CDH4: variants seen among roughly 807,000 people sequenced by gnomAD.
The protein encoded by CDH4 is cadherin 4.
In CDH4, 33 loss-of-function variants were observed where a neutral mutation model predicts 86.0. That is an observed-to-expected ratio of 0.38 (90% CI 0.29 to 0.51). The LOEUF is 0.51. CDH4 is among the 20% of genes least tolerant of loss of function. The pLI is 0.86. For synonymous variants in CDH4, 555 were observed against 549.4 expected (o/e 1.01, Z -0.14); for missense variants, 1,114 against 1,307.4 (o/e 0.85, Z 2.28).
chr20:61,889,508 G>T (rs1366806227), intron 7 of CDH4, among the ~76,000 whole-genome samples: 1 of 148,936 alleles, frequency 6.7e-6, no homozygotes, highest in East Asian at 2.0e-4. Context: ...GATGGATGAT[G>T]GATGGATGGA....
intron 2 of CDH4, among the ~76,000 whole-genome samples, chr20:61,633,635 C>T (rs1357521250): frequency 1.3e-5 from 2 of 152,216 alleles, no homozygotes; most frequent in African/African-American, 4.8e-5. Flanking sequence ...TGGTAAAAAG[C>T]ATGGTTTCTG....
At chr20:61,360,411 G>A (rs758135837) in intron 2 of CDH4, among the ~76,000 whole-genome samples, 4 of 152,192 alleles carry the variant, frequency 2.6e-5, no homozygotes, top group Non-Finnish European at 5.9e-5. Flanking sequence ...TCCCGGGTTT[G>A]TGTCTCAGGT....
chr20:61,795,474 C>T (rs1267346537), intron 4 of CDH4, among the ~76,000 whole-genome samples: 11 of 152,046 alleles, frequency 7.2e-5, no homozygotes, highest in Admixed American at 4.6e-4. Context: ...ATCATGGTGG[C>T]GTAAATGAGA....
intron 2 of CDH4, among the ~76,000 whole-genome samples, chr20:61,679,926 T>C (rs530275259): frequency 6.6e-6 from 1 of 152,272 alleles, no homozygotes; most frequent in South Asian, 2.1e-4. Context: ...TGTCTGTCAG[T>C]GGGAACTGCC....
At chr20:61,290,921 G>A (rs141973728) in intron 2 of CDH4, among the ~76,000 whole-genome samples, 14 of 152,292 alleles carry the variant, frequency 9.2e-5, no homozygotes, top group East Asian at 1.9e-4. Context: ...TCCAAACACC[G>A]TTATCAAGAG....
intron 2 of CDH4, among the ~76,000 whole-genome samples, chr20:61,710,086 G>C (rs1175672852): frequency 6.6e-6 from 1 of 152,138 alleles, no homozygotes; most frequent in African/African-American, 2.4e-5. Flanking sequence ...TCAATAAATG[G>C]ATCCAGAATG....
chr20:61,563,065 G>A (rs1161994820), intron 2 of CDH4, among the ~76,000 whole-genome samples: 3 of 152,124 alleles, frequency 2.0e-5, no homozygotes, highest in East Asian at 1.9e-4. Context: ...AAGTCTACAC[G>A]AGGGTCCGTG....
At chr20:61,645,435 GAGGCAAC>G (rs920260846) in intron 2 of CDH4, among the ~76,000 whole-genome samples, 1 of 152,054 alleles carries the variant, frequency 6.6e-6, no homozygotes, top group Non-Finnish European at 1.5e-5. Flanking sequence ...GAAACCAGCT[GAGGCAAC>G]ACAGTAAGAC....
At chr20:61,806,202 C>T (rs528832489) in intron 4 of CDH4, among the ~76,000 whole-genome samples, 42 of 152,346 alleles carry the variant, frequency 2.8e-4, no homozygotes, top group Non-Finnish European at 3.7e-4. Flanking sequence ...AGGACCCTTG[C>T]GTCTTCCCAG....
At chr20:61,556,331 T>C (rs960749548) in intron 2 of CDH4, among the ~76,000 whole-genome samples, 3 of 152,024 alleles carry the variant, frequency 2.0e-5, no homozygotes, top group African/African-American at 7.3e-5. Flanking sequence ...CCTTTTATGA[T>C]TCAGAAGAAA....
intron 2 of CDH4, among the ~76,000 whole-genome samples, chr20:61,346,305 A>G (rs1454244737): frequency 1.3e-5 from 2 of 152,118 alleles, no homozygotes; most frequent in Non-Finnish European, 1.5e-5. Flanking sequence ...GAATCAGTGC[A>G]TGGTTGGTGT....
At chr20:61,753,909 A>C (rs1470949928) in intron 3 of CDH4, among the ~76,000 whole-genome samples, 1 of 152,102 alleles carries the variant, frequency 6.6e-6, no homozygotes, top group African/African-American at 2.4e-5. Context: ...ACATGACTTA[A>C]CTTGGAAATA....
intron 8 of CDH4, among the ~76,000 whole-genome samples, chr20:61,900,200 C>G (rs3787406): frequency 6.6e-6 from 1 of 152,054 alleles, no homozygotes; most frequent in Non-Finnish European, 1.5e-5. Context: ...CTGGCCAAGC[C>G]CTGTGAGTCC....
At chr20:61,645,840 T>C (rs1222230264) in intron 2 of CDH4, among the ~76,000 whole-genome samples, 1 of 152,114 alleles carries the variant, frequency 6.6e-6, no homozygotes. Flanking sequence ...TGCTGTGTGA[T>C]GGAGCCATGA....
Position 61,383,481 on chromosome 20 carries a change from G to GAT in CDH4, c.169+128551_169+128552dup, listed in dbSNP as rs1555844217. ...TATGAAGATATATATGAATATATAT[G>GAT]ATATATATGAAATATATTATATATG... On this transcript the variant is annotated intron_variant, in intron 2 of 15. Coordinates refer to ENST00000614565, the MANE Select transcript of CDH4 (RefSeq NM_001794.5). 1.1e-3 allele frequency among the ~76,000 whole-genome samples: 57 copies of GAT among 49,710 alleles called. 10 individuals are homozygous for GAT. The highest frequency in any genetic ancestry group is 1.8e-3 in the Non-Finnish European group (52 of 29,422). 32.6% of individuals were successfully genotyped at this position (49,710 alleles called of 152,430 possible).
Position 61,902,737 on chromosome 20 carries a change from A to G in CDH4, c.1189-7685A>G, listed in dbSNP as rs764246433. Among the ~76,000 whole-genome samples the G allele has an allele frequency of 5.4e-4, 83 of 152,364 alleles. No homozygotes were observed. The highest frequency in any genetic ancestry group is 1.8e-3 in the African/African-American group (74 of 41,584). On this transcript the variant is annotated intron_variant, in intron 8 of 15. Coordinates refer to ENST00000614565, the MANE Select transcript of CDH4 (RefSeq NM_001794.5). This position sits in a 1 kb window ranked among gnomAD's most constrained non-coding sequence, Gnocchi z 4.6. ...TTGTTGTCGAGCCCTGACTTCACCT[A>G]TAGCAAAGAGGCTACATAGGTGTCG...
intron 2 of CDH4, among the ~76,000 whole-genome samples, chr20:61,474,101 G>A: frequency 6.7e-6 from 1 of 150,328 alleles, no homozygotes; most frequent in East Asian, 2.0e-4. Flanking sequence ...CCACTCTCTG[G>A]ATTTTAGAAA....
intron 2 of CDH4, among the ~76,000 whole-genome samples, chr20:61,259,185 A>G (rs2084116471): frequency 6.6e-6 from 1 of 152,258 alleles, no homozygotes; most frequent in Non-Finnish European, 1.5e-5. Context: ...TCATTTGCAT[A>G]CAAAGGCATT....
chr20:61,344,141 T>C (rs745726131), intron 2 of CDH4, among the ~76,000 whole-genome samples: 1 of 152,044 alleles, frequency 6.6e-6, no homozygotes, highest in Non-Finnish European at 1.5e-5. Context: ...TAATGAGGAC[T>C]GGGGAGGAGA....
Sources: allele counts gnomAD v4.1 joint callset (sites outside exome capture counted in the v4.1 genomes callset), GRCh38; gene constraint gnomAD v4.1.1; non-coding constraint Gnocchi (gnomAD v3.1); transcripts MANE v1.5; gene names NCBI Gene and HGNC (gene_info 2026-07-23, HGNC 2026-07-21).